SMURF1: variants seen among roughly 807,000 people sequenced by gnomAD.
The protein encoded by SMURF1 is SMAD specific E3 ubiquitin protein ligase 1, also known as E3 ubiquitin-protein ligase SMURF1.
SMURF1 carries 44 observed loss-of-function variants against 98.0 expected under a neutral mutation model. The ratio of observed to expected loss-of-function variants is 0.45; its 90% CI spans 0.35 to 0.58. SMURF1 has a LOEUF of 0.58. Among genes scored for constraint, SMURF1 ranks in the 20% least tolerant of loss-of-function variants. The pLI, the probability that SMURF1 is intolerant of heterozygous loss-of-function variation, is 0.00. For missense variants in SMURF1, 687 were observed against 938.4 expected (o/e 0.73, Z 3.50); for synonymous variants, 396 against 374.9 (o/e 1.06, Z -0.65).
At chr7:99,110,709 A>G (rs1797298738) in intron 1 of SMURF1, among the ~76,000 whole-genome samples, 1 of 152,238 alleles carries the variant, frequency 6.6e-6, no homozygotes, top group Admixed American at 6.5e-5. Context: ...TAACTCAGCA[A>G]TCTTACTCTG....
chr7:99,086,712 A>T (rs1244848398), intron 1 of SMURF1, among the ~76,000 whole-genome samples: 1 of 152,236 alleles, frequency 6.6e-6, no homozygotes, highest in African/African-American at 2.4e-5. Flanking sequence ...AAATCCACAC[A>T]ATGGAATATT....
At chr7:99,055,138 C>T (rs531154259) in intron 5 of SMURF1, among the ~76,000 whole-genome samples, 1 of 152,214 alleles carries the variant, frequency 6.6e-6, no homozygotes, top group Admixed American at 6.5e-5. Flanking sequence ...TATTCAGTCC[C>T]TCTAAGTTAT....
intron 12 of SMURF1, among the ~76,000 whole-genome samples, chr7:99,041,750 C>T (rs191700584): frequency 1.0e-3 from 156 of 152,344 alleles, no homozygotes; most frequent in Middle Eastern, 3.4e-3. Context: ...AAAGCTAGTT[C>T]TGGAAAGATT....
At chr7:99,120,710 C>A (rs1316332684) in intron 1 of SMURF1, 1 of 151,492 alleles carries the variant, frequency 6.6e-6, no homozygotes, top group Non-Finnish European at 1.5e-5. Context: ...TCCACGAAAC[C>A]TCTGAAGAGA....
chr7:99,101,892 C>A (rs1241369066), intron 1 of SMURF1, among the ~76,000 whole-genome samples: 2 of 151,620 alleles, frequency 1.3e-5, no homozygotes, highest in Admixed American at 1.3e-4. Flanking sequence ...CGAGATTGTG[C>A]CATTGCACTC....
Position 99,057,458 on chromosome 7 carries a change from C to T in SMURF1, c.297G>A (p.Arg99=). 6.2e-7 allele frequency: 1 copy of T among 1,604,162 alleles called. No individual in the cohort carries two copies. The highest frequency in any genetic ancestry group is 2.2e-5 in the East Asian group (1 of 44,858). The change falls in exon 4 of 18, where the codon CGG becomes CGA. Residue 99 remains arginine, a synonymous_variant. Coordinates refer to ENST00000361368, the MANE Select transcript of SMURF1 (RefSeq NM_181349.3). ...ATCTGCTGATGGCATTGGAGAGCAGCCGCACACAGCCCAGGAAGCCAGCTC... is the reference window on the plus strand; with the variant it reads ...ATCTGCTGATGGCATTGGAGAGCAGTCGCACACAGCCCAGGAAGCCAGCTC... The part of the protein sequence containing the change: ...KQGAGFLGCV[R]LLSNAISRLK...
intron 13 of SMURF1, among the ~76,000 whole-genome samples, chr7:99,039,658 G>A (rs916877701): frequency 7.9e-5 from 12 of 152,068 alleles, no homozygotes; most frequent in Non-Finnish European, 1.3e-4. Context: ...ATGAGCCACC[G>A]CACCCAGCTG....
intron 1 of SMURF1, among the ~76,000 whole-genome samples, chr7:99,097,365 C>T (rs1266684547): frequency 2.0e-5 from 3 of 152,108 alleles, no homozygotes; most frequent in Non-Finnish European, 4.4e-5. Context: ...GAATGTGCAC[C>T]CCAAGGAGTA....
intron 13 of SMURF1, among the ~76,000 whole-genome samples, 161 bp downstream of exon 13, chr7:99,040,217 G>A (rs78626692): frequency 2.9e-4 from 40 of 138,230 alleles, no homozygotes; most frequent in Non-Finnish European, 4.9e-4. Flanking sequence ...GCCCGCCTCC[G>A]CCTTCCAAAA....
At chr7:99,102,811 T>G (rs963698950) in intron 1 of SMURF1, among the ~76,000 whole-genome samples, 4 of 152,130 alleles carry the variant, frequency 2.6e-5, no homozygotes, top group African/African-American at 9.7e-5. Flanking sequence ...ATCTTACAAC[T>G]GCATTTTTTT....
At chr7:99,119,169 G>A (rs992335897) in intron 1 of SMURF1, among the ~76,000 whole-genome samples, 1 of 151,848 alleles carries the variant, frequency 6.6e-6, no homozygotes, top group Non-Finnish European at 1.5e-5. Context: ...GGATGGGGAG[G>A]TAGAGAAAGA....
At chr7:99,132,372 T>C (rs923119845) in intron 1 of SMURF1, among the ~76,000 whole-genome samples, 3 of 152,070 alleles carry the variant, frequency 2.0e-5, no homozygotes, top group Non-Finnish European at 4.4e-5. Flanking sequence ...CCAAGCAGTG[T>C]TGAAGGGGAT....
chr7:99,126,650 A>G (rs1797753129), intron 1 of SMURF1, among the ~76,000 whole-genome samples: 1 of 152,222 alleles, frequency 6.6e-6, no homozygotes. Context: ...GCGAGACGCC[A>G]TCTCAGAAAA....
Position 99,040,373 on chromosome 7 carries a change from C to G in SMURF1, c.1550+5G>C. ...CCAGGTGACCGGCCGTCAGTCAATA[C>G]TTACAGGATCCACACCAAGCTCTTA... On this transcript the variant is annotated splice_donor_5th_base_variant and intron_variant, in intron 13 of 17. Coordinates refer to ENST00000361368, the MANE Select transcript of SMURF1 (RefSeq NM_181349.3). 1 of 1,504,086 alleles carries G rather than the reference C, an allele frequency of 6.6e-7. No individual in the cohort carries two copies. The highest frequency in any genetic ancestry group is 8.9e-7 in the Non-Finnish European group (1 of 1,123,390). 93.2% of individuals were successfully genotyped at this position (1,504,086 alleles called of 1,614,324 possible).
In SMURF1 at chr7:99,083,692, C is replaced by G. The variant is rs1346046453; in HGVS notation, c.56-21855G>C. On this transcript the variant is annotated intron_variant, in intron 1 of 17. Coordinates refer to ENST00000361368, the MANE Select transcript of SMURF1 (RefSeq NM_181349.3). ...AAATCCATCTTGATTTTTCAAGGAT[C>G]TCGACTGCCTACAAACTGCATTCTT... Among the ~76,000 whole-genome samples, 9 of 152,352 alleles carry G rather than the reference C, an allele frequency of 5.9e-5. No individual in the cohort carries two copies. In the East Asian group the frequency reaches 1.7e-3, roughly 29 times the overall value.
chr7:99,094,516 T>C (rs1796900727), intron 1 of SMURF1, among the ~76,000 whole-genome samples: 1 of 152,224 alleles, frequency 6.6e-6, no homozygotes, highest in Admixed American at 6.5e-5. Context: ...ATCTGTTCTG[T>C]TCTGCTTCTG....
chr7:99,062,982 C>T (rs770673487), intron 1 of SMURF1, among the ~76,000 whole-genome samples: 2 of 151,690 alleles, frequency 1.3e-5, no homozygotes, highest in Non-Finnish European at 1.5e-5. Context: ...TGCTACACAA[C>T]GCAAGTGACT....
At chr7:99,108,611 C>CAAAA (rs11458541) in intron 1 of SMURF1, among the ~76,000 whole-genome samples, 41 of 58,454 alleles carry the variant, frequency 7.0e-4, no homozygotes, top group African/African-American at 1.9e-3. Context: ...AACTCTGTCT[C>CAAAA]AAAAAAAAAA....
intron 1 of SMURF1, among the ~76,000 whole-genome samples, chr7:99,063,417 C>T (rs1796113763): frequency 6.7e-6 from 1 of 148,870 alleles, no homozygotes; most frequent in Admixed American, 6.8e-5. Flanking sequence ...CTCAGCCTCT[C>T]GAGTTGCTGG....
Sources: allele counts gnomAD v4.1 joint callset (sites outside exome capture counted in the v4.1 genomes callset), GRCh38; gene constraint gnomAD v4.1.1; transcripts MANE v1.5; gene names NCBI Gene and HGNC (gene_info 2026-07-23, HGNC 2026-07-21).